Variants in VPS8 observed in about 807,000 individuals in gnomAD.
The protein encoded by VPS8 is VPS8 subunit of CORVET complex, also known as vacuolar protein sorting-associated protein 8 homolog.
VPS8 carries 129 observed loss-of-function variants against 216.4 expected under a neutral mutation model. The ratio of observed to expected loss-of-function variants is 0.60; its 90% CI spans 0.52 to 0.69. The LOEUF is 0.69. VPS8 is among the 30% of genes least tolerant of loss of function. The pLI is 0.00. For synonymous variants in VPS8, 571 were observed against 565.4 expected (o/e 1.01, Z -0.14); for missense variants, 1,531 against 1,683.5 (o/e 0.91, Z 1.59).
At chr3:185,021,440 C>T (rs1226829009) in intron 45 of VPS8, among the ~76,000 whole-genome samples, 3 of 152,172 alleles carry the variant, frequency 2.0e-5, no homozygotes, top group Non-Finnish European at 4.4e-5. Context: ...TAGTTCTTGG[C>T]TTGTTTTTAA....
chr3:185,013,695 T>C (rs1446492212), intron 45 of VPS8, among the ~76,000 whole-genome samples: 1 of 152,178 alleles, frequency 6.6e-6, no homozygotes, highest in Non-Finnish European at 1.5e-5. Flanking sequence ...ACGGGCCATA[T>C]CATTTGAGGT....
intron 37 of VPS8, among the ~76,000 whole-genome samples, chr3:184,959,738 A>G (rs1746180857): frequency 6.6e-6 from 1 of 152,160 alleles, no homozygotes; most frequent in Non-Finnish European, 1.5e-5. Context: ...CAATCCAGTG[A>G]TAATATGGTG....
chr3:184,899,388 A>C (rs1734079687), intron 24 of VPS8, among the ~76,000 whole-genome samples: 1 of 152,176 alleles, frequency 6.6e-6, no homozygotes, highest in South Asian at 2.1e-4. Context: ...GCTATCCAAA[A>C]CTATCTTCAG....
chr3:184,922,997 A>G (rs932180361), intron 29 of VPS8, among the ~76,000 whole-genome samples: 1 of 152,060 alleles, frequency 6.6e-6, no homozygotes, highest in African/African-American at 2.4e-5. Flanking sequence ...TTATAACTTG[A>G]AATACCCACA....
At chr3:184,962,137 T>G (rs1414633347) in intron 37 of VPS8, among the ~76,000 whole-genome samples, 3 of 152,266 alleles carry the variant, frequency 2.0e-5, no homozygotes, top group Admixed American at 2.0e-4. Context: ...CGGTAATCTA[T>G]CAAATGAATG....
rs1277073105 is a variant in VPS8, at chr3:184,979,223, G to A, written c.3421-3343G>A. Among the ~76,000 whole-genome samples the A allele has an allele frequency of 7.9e-5, 12 of 152,234 alleles. No individual in the cohort carries two copies. In the East Asian group the frequency reaches 2.3e-3, roughly 29 times the overall value. ...TGAGTATTGTTTTATAGCCAGTCAT[G>A]TGGTTGATTTTAGAGTATGTGCCAG... On this transcript the variant is annotated intron_variant, in intron 40 of 47. Transcript: ENST00000625842.
At chr3:184,852,685 G>A (rs1724536693) in intron 11 of VPS8, 118 bp downstream of exon 11, 2 of 923,046 alleles carry the variant, frequency 2.2e-6, no homozygotes, top group South Asian at 3.4e-5. Flanking sequence ...TTATGACTGT[G>A]TATTACAATT....
chr3:184,940,289 T>TATA, intron 36 of VPS8, 46 bp downstream of exon 36: 5 of 797,492 alleles, frequency 6.3e-6, no homozygotes, highest in Non-Finnish European at 8.5e-6. Context: ...TATATATATA[T>TATA]GAGAAATAAA....
intron 43 of VPS8, among the ~76,000 whole-genome samples, chr3:184,994,786 T>G (rs1025842202): frequency 6.6e-6 from 1 of 152,236 alleles, no homozygotes; most frequent in African/African-American, 2.4e-5. Flanking sequence ...ATTAGTTTGT[T>G]TTTATGCTGC....
chr3:184,908,079 C>T (rs1330414661), intron 25 of VPS8, among the ~76,000 whole-genome samples: 1 of 152,184 alleles, frequency 6.6e-6, no homozygotes, highest in East Asian at 1.9e-4. Context: ...ACTACTAACA[C>T]TGTCTCAGCC....
intron 44 of VPS8, among the ~76,000 whole-genome samples, chr3:184,997,170 C>T (rs1006818901): frequency 5.3e-5 from 8 of 152,032 alleles, no homozygotes; most frequent in African/African-American, 1.9e-4. Flanking sequence ...AGAGAGGAAC[C>T]CTAGTGCAGA....
chr3:185,037,850 A>T (rs1302502639), intron 46 of VPS8, among the ~76,000 whole-genome samples: 1 of 152,078 alleles, frequency 6.6e-6, no homozygotes, highest in African/African-American at 2.4e-5. Context: ...ATTTGATGTT[A>T]TATTGTCATC....
chr3:184,968,015 T>A (rs570701415), intron 39 of VPS8, among the ~76,000 whole-genome samples: 1 of 152,222 alleles, frequency 6.6e-6, no homozygotes, highest in South Asian at 2.1e-4. Context: ...AATCTGTACC[T>A]ATAAAGCAAC....
At chr3:184,972,031 G>A (rs1039384839) in intron 40 of VPS8, among the ~76,000 whole-genome samples, 6 of 150,334 alleles carry the variant, frequency 4.0e-5, no homozygotes, top group South Asian at 2.1e-4. Flanking sequence ...AGCTGAGATC[G>A]CACCATTGCA....
intron 3 of VPS8, among the ~76,000 whole-genome samples, chr3:184,832,059 T>C (rs182245925): frequency 6.6e-6 from 1 of 152,336 alleles, no homozygotes; most frequent in East Asian, 1.9e-4. Context: ...ATGAACAAGA[T>C]AGACATGGGC....
chr3:184,869,496 G>T lies in VPS8; in HGVS notation c.1612G>T (p.Ala538Ser), dbSNP rs762365417. ...AKAVVGLSGDASKRKAIVADR... is the reference protein window; with the variant it reads ...AKAVVGLSGDSSKRKAIVADR... ...CTTCTCTGCAGGATTATCAGGGGAT[G>T]CCAGTAAGCGAAAGGCTATTGTTGC... is the stretch of plus-strand genomic sequence containing the variant. Residue 538 changes from alanine (A) to serine (S), a missense_variant, in exon 20 of 48, where the codon GCC (alanine) becomes TCC (serine). Transcript: ENST00000625842. 1.2e-6 allele frequency: 2 copies of T among 1,613,386 alleles called. No individual in the cohort carries two copies. The highest frequency in any genetic ancestry group is 2.7e-5 in the African/African-American group (2 of 74,886).
intron 42 of VPS8, among the ~76,000 whole-genome samples, chr3:184,992,954 T>C (rs886162263): frequency 6.6e-6 from 1 of 152,066 alleles, no homozygotes; most frequent in Admixed American, 6.5e-5. Flanking sequence ...CAATTGAGAT[T>C]TGCAGCCACT....
At chr3:184,896,604 T>C (rs1471299509) in intron 23 of VPS8, among the ~76,000 whole-genome samples, 2 of 152,212 alleles carry the variant, frequency 1.3e-5, no homozygotes, top group Non-Finnish European at 1.5e-5. Flanking sequence ...CCAAATGGTA[T>C]TTTTCAATCC....
At chr3:185,005,140 C>T (rs558299783) in intron 45 of VPS8, among the ~76,000 whole-genome samples, 94 of 152,226 alleles carry the variant, frequency 6.2e-4, no homozygotes, top group African/African-American at 1.8e-3. Context: ...TGTCCTTTCC[C>T]CACTTTGTGT....
Sources: gnomAD v4.1 joint callset for allele counts (sites outside exome capture counted in the v4.1 genomes callset) on GRCh38, gnomAD v4.1.1 for gene constraint, MANE v1.5 for transcripts, NCBI Gene and HGNC (gene_info 2026-07-23, HGNC 2026-07-21) for gene names.